NOS1: variants seen among roughly 807,000 people sequenced by gnomAD.
The protein encoded by NOS1 is nitric oxide synthase 1.
In NOS1, 51 loss-of-function variants were observed where a neutral mutation model predicts 164.5. The ratio of observed to expected loss-of-function variants is 0.31; its 90% confidence interval spans 0.25 to 0.39. NOS1 has a LOEUF of 0.39. Ranked by LOEUF, NOS1 falls within the 10% of genes least tolerant of loss-of-function variation. The probability of loss-of-function intolerance (pLI) is 1.00; values close to 1 mark genes in which losing one functional copy is unlikely to be tolerated. For missense variants in NOS1, 1,362 were observed against 1,885.6 expected (o/e 0.72, Z 5.14); for synonymous variants, 719 against 745.8 (o/e 0.96, Z 0.59).
At chr12:117,270,200 A>G (rs1872696914) in intron 10 of NOS1, among the ~76,000 whole-genome samples, 1 of 152,248 alleles carries the variant, frequency 6.6e-6, no homozygotes, top group African/African-American at 2.4e-5. Flanking sequence ...TTCCTCTGTC[A>G]ATACTAGTCA....
At chr12:117,228,974 G>C (rs1020321600) in intron 22 of NOS1, among the ~76,000 whole-genome samples, 1 of 152,050 alleles carries the variant, frequency 6.6e-6, no homozygotes, top group African/African-American at 2.4e-5. Context: ...GTAGAGACAG[G>C]GTTTCACCGT....
At chr12:117,279,374 CAA>C (rs113921998) in intron 8 of NOS1, among the ~76,000 whole-genome samples, 49,060 of 148,526 alleles carry the variant, frequency 0.33, 8,161 homozygotes, top group Middle Eastern at 0.41. Context: ...TCTCAAAAAA[CAA>C]AAAAAAAACC....
intron 1 of NOS1, among the ~76,000 whole-genome samples, chr12:117,334,128 AT>A (rs1875688057): frequency 1.3e-5 from 2 of 152,176 alleles, no homozygotes; most frequent in Non-Finnish European, 2.9e-5. Context: ...GAAAACAGAA[AT>A]GAAGCAATTG....
chr12:117,339,236 CT>C (rs1223870373), intron 1 of NOS1, among the ~76,000 whole-genome samples: 1 of 152,214 alleles, frequency 6.6e-6, no homozygotes, highest in Non-Finnish European at 1.5e-5. Flanking sequence ...CCTGAGTCTC[CT>C]CAGCCACGGA....
rs147631951 is a variant in NOS1, at chr12:117,238,707, G to C, written c.3041+3920C>G. On this transcript the variant is annotated intron_variant, in intron 20 of 28. Coordinates refer to ENST00000317775, the MANE Select transcript of NOS1 (RefSeq NM_000620.5). ...AATTTTTGTATTTTTAGTAGAGACAGGGTTTCACCATGCTGGCCAGACTGG... is the reference window on the plus strand; with the variant it reads ...AATTTTTGTATTTTTAGTAGAGACACGGTTTCACCATGCTGGCCAGACTGG... Among the ~76,000 whole-genome samples the C allele has an allele frequency of 6.1e-3, 928 of 152,084 alleles. 9 individuals are homozygous for C. Among genetic ancestry groups the C allele is most frequent in the African/African-American group, 0.021 (887 of 41,486 alleles).
At chr12:117,322,552 C>T (rs999789150) in intron 2 of NOS1, among the ~76,000 whole-genome samples, 12 of 135,552 alleles carry the variant, frequency 8.9e-5, no homozygotes, top group Middle Eastern at 4.1e-3. Flanking sequence ...TCTTTCCTTC[C>T]TTCCCTGTCC....
chr12:117,313,120 T>C (rs1316411724), intron 2 of NOS1, among the ~76,000 whole-genome samples: 1 of 152,110 alleles, frequency 6.6e-6, no homozygotes, highest in African/African-American at 2.4e-5. Flanking sequence ...GCATCACCAT[T>C]GTCACCATCT....
At chr12:117,216,441 C>T (rs886434196) in intron 28 of NOS1, among the ~76,000 whole-genome samples, 4 of 151,932 alleles carry the variant, frequency 2.6e-5, no homozygotes, top group African/African-American at 7.3e-5. Context: ...CTCAGCCTCC[C>T]GAAGTGCTGG....
chr12:117,290,503 G>A, intron 3 of NOS1, 77 bp from the exon 4 acceptor site: 1 of 1,508,056 alleles, frequency 6.6e-7, no homozygotes, highest in South Asian at 1.3e-5. Context: ...GAGGCTGGGA[G>A]AGCCATTGTT....
intron 1 of NOS1, among the ~76,000 whole-genome samples, chr12:117,336,482 T>C (rs1285744599): frequency 2.0e-5 from 3 of 152,306 alleles, no homozygotes; most frequent in South Asian, 2.1e-4. Flanking sequence ...ACATGGACTG[T>C]GGCAGGTTCA....
At chr12:117,311,670 G>A in intron 2 of NOS1, 78 bp from the exon 3 acceptor site, 2 of 1,512,076 alleles carry the variant, frequency 1.3e-6, no homozygotes, top group Non-Finnish European at 1.8e-6. Context: ...GAAGTCCTGA[G>A]TCTGTACAGA....
At chr12:117,306,750 G>GCTAC (rs1874169945) in intron 3 of NOS1, among the ~76,000 whole-genome samples, 1 of 152,028 alleles carries the variant, frequency 6.6e-6, no homozygotes, top group South Asian at 2.1e-4. Context: ...CTCCTGAGTA[G>GCTAC]CTGAGATTAC....
chr12:117,270,559 G>C (rs1245238102), intron 10 of NOS1, among the ~76,000 whole-genome samples: 1 of 152,042 alleles, frequency 6.6e-6, no homozygotes, highest in Admixed American at 6.6e-5. Context: ...TACACACACA[G>C]AGGAAAGTAT....
rs1430273158 is a variant in NOS1 at position 117,331,243 on chromosome 12, C to T, written c.-174G>A. 10 of 732,646 alleles carry T rather than the reference C, an allele frequency of 1.4e-5. No homozygotes were observed. In the South Asian group the frequency reaches 1.6e-4, roughly 12 times the overall value. The allele number at this position is 732,646 out of a possible 1,614,324, so 45.4% of individuals were successfully genotyped here. A position where few individuals can be genotyped will look rare whatever the true frequency, so the allele number is the denominator to read the frequency against. On this transcript the variant is annotated 5_prime_UTR_variant, in exon 2 of 29. The change abolishes an upstream ATG in the 5' untranslated region. Coordinates refer to ENST00000317775, the MANE Select transcript of NOS1 (RefSeq NM_000620.5). ...TGACGTCAGCTCAGCGTCACCCACT[C>T]ATGGCTGGTGGCCCGTCGGTGGCAT...
chr12:117,222,613 A>G (rs1956725763), intron 26 of NOS1, 102 bp downstream of exon 26: 21 of 1,115,736 alleles, frequency 1.9e-5, no homozygotes, highest in Non-Finnish European at 2.7e-5. Flanking sequence ...ATAGAGGGAA[A>G]ATCAGGAAGC....
At chr12:117,352,254 C>T (rs1387098583) in intron 1 of NOS1, among the ~76,000 whole-genome samples, 1 of 152,174 alleles carries the variant, frequency 6.6e-6, no homozygotes, top group African/African-American at 2.4e-5. Context: ...TGTCATGGCA[C>T]TGAACACTCT....
Position 117,212,542 on chromosome 12 carries a change from T to A in NOS1, c.*2767A>T. ...TAGTGATGGCAGGTGAGCATGATGTTCCGGTGTTCCTATTTCAGGAGACGT... is the reference window on the plus strand; with the variant it reads ...TAGTGATGGCAGGTGAGCATGATGTACCGGTGTTCCTATTTCAGGAGACGT... On this transcript the variant is annotated 3_prime_UTR_variant, in exon 29 of 29. Transcript: ENST00000317775. The A allele has an allele frequency of 1.0e-6, 1 of 985,438 alleles. No individual in the cohort carries two copies. The highest frequency in any genetic ancestry group is 1.2e-6 in the Non-Finnish European group (1 of 829,948). The allele number at this position is 985,438 out of a possible 1,614,324, so 61.0% of individuals were successfully genotyped here. A position where few individuals can be genotyped will look rare whatever the true frequency, so the allele number is the denominator to read the frequency against.
chr12:117,263,812 G>A (rs1043377858), intron 13 of NOS1, 77 bp downstream of exon 13: 34 of 1,108,332 alleles, frequency 3.1e-5, no homozygotes, highest in Non-Finnish European at 3.9e-5. Flanking sequence ...GGGCACAGGA[G>A]TCTGCCCAGC....
At chr12:117,236,889 T>C (rs1452907755) in intron 20 of NOS1, among the ~76,000 whole-genome samples, 2 of 152,150 alleles carry the variant, frequency 1.3e-5, no homozygotes, top group Admixed American at 1.3e-4. Context: ...GGAGCAGGCA[T>C]GGGAACGTGG....
Sources: allele counts gnomAD v4.1 joint callset (sites outside exome capture counted in the v4.1 genomes callset), GRCh38; gene constraint gnomAD v4.1.1; transcripts MANE v1.5; gene names NCBI Gene and HGNC (gene_info 2026-07-23, HGNC 2026-07-21).